ZNRF2: variants seen among roughly 807,000 people sequenced by gnomAD.
The protein encoded by ZNRF2 is E3 ubiquitin-protein ligase ZNRF2.
ZNRF2 carries 16 observed loss-of-function variants against 20.4 expected under a neutral mutation model. The observed-to-expected ratio is 0.79, with a 90% CI of 0.53 to 1.19. The LOEUF (loss-of-function observed/expected upper bound fraction) is 1.19, where lower values mean the gene tolerates loss of function less well. ZNRF2 is among the 50% of genes most tolerant of loss of function. ZNRF2 has a pLI of 0.00. For synonymous variants in ZNRF2, 178 were observed against 144.9 expected, an observed-to-expected ratio of 1.23 and a Z score of -1.64; for missense variants, 363 against 332.4, an observed-to-expected ratio of 1.09 and a Z score of -0.72.
intron 2 of ZNRF2, among the ~76,000 whole-genome samples, chr7:30,330,735 C>G (rs1458760615): frequency 1.3e-5 from 2 of 151,378 alleles, no homozygotes; most frequent in African/African-American, 4.9e-5. Flanking sequence ...ATTCAGGATG[C>G]TTTCTGAAAT....
chr7:30,299,043 C>G (rs1799064003), intron 1 of ZNRF2, among the ~76,000 whole-genome samples: 1 of 152,034 alleles, frequency 6.6e-6, no homozygotes, highest in Non-Finnish European at 1.5e-5. Flanking sequence ...GATGTTTGGA[C>G]TGAGCAGAAA....
intron 1 of ZNRF2, among the ~76,000 whole-genome samples, chr7:30,319,282 G>A (rs1318387339): frequency 2.6e-5 from 4 of 152,138 alleles, no homozygotes; most frequent in Admixed American, 2.6e-4. Flanking sequence ...AGAGTTGTCT[G>A]AAAAGTGTAG....
chr7:30,312,756 G>A (rs1799311047), intron 1 of ZNRF2, among the ~76,000 whole-genome samples: 1 of 152,110 alleles, frequency 6.6e-6, no homozygotes, highest in Non-Finnish European at 1.5e-5. Context: ...TTAAGTGATA[G>A]TTTCATTAAG....
intron 1 of ZNRF2, among the ~76,000 whole-genome samples, chr7:30,298,943 C>G (rs1465743368): frequency 3.3e-5 from 5 of 152,168 alleles, no homozygotes; most frequent in African/African-American, 1.2e-4. Context: ...ATTTTCTTTC[C>G]AGAGTCTAAA....
intron 3 of ZNRF2, among the ~76,000 whole-genome samples, chr7:30,357,263 T>A (rs1168185854): frequency 6.6e-6 from 1 of 152,158 alleles, no homozygotes; most frequent in Admixed American, 6.5e-5. Context: ...TCCTAGAACA[T>A]AAAGCAAATC....
intron 3 of ZNRF2, 28 bp from the exon 4 acceptor site, chr7:30,362,349 C>T (rs755853827): frequency 6.6e-7 from 1 of 1,524,044 alleles, no homozygotes; most frequent in East Asian, 2.3e-5. Context: ...ATAAGTATCT[C>T]AATTTTTCTG....
At chr7:30,340,798 A>G (rs1799782306) in intron 2 of ZNRF2, among the ~76,000 whole-genome samples, 1 of 152,124 alleles carries the variant, frequency 6.6e-6, no homozygotes, top group Non-Finnish European at 1.5e-5. Flanking sequence ...ATTGTTTGGA[A>G]TAGTTTCAGA....
chr7:30,365,448 C>A (rs1388478534), intron 4 of ZNRF2, among the ~76,000 whole-genome samples: 1 of 152,154 alleles, frequency 6.6e-6, no homozygotes, highest in Non-Finnish European at 1.5e-5. Context: ...CTACAGAAAT[C>A]TGAACCAATG....
chr7:30,335,208 C>T (rs1189496021), intron 2 of ZNRF2, among the ~76,000 whole-genome samples: 1 of 151,970 alleles, frequency 6.6e-6, no homozygotes, highest in Non-Finnish European at 1.5e-5. Context: ...TATATTAGCC[C>T]TGCCTTTTGG....
intron 2 of ZNRF2, among the ~76,000 whole-genome samples, chr7:30,353,361 T>C (rs1463028584): frequency 2.6e-5 from 4 of 152,162 alleles, no homozygotes; most frequent in African/African-American, 4.8e-5. Flanking sequence ...TATACAGGTA[T>C]ACTTTTCTTG....
At chr7:30,345,201 A>G (rs1490093929) in intron 2 of ZNRF2, among the ~76,000 whole-genome samples, 1 of 144,658 alleles carries the variant, frequency 6.9e-6, no homozygotes, top group Non-Finnish European at 1.5e-5. Context: ...TTCTCTGTAG[A>G]GAACATTTTT....
chr7:30,341,112 C>G (rs1427919368), intron 2 of ZNRF2, among the ~76,000 whole-genome samples: 2 of 152,028 alleles, frequency 1.3e-5, no homozygotes, highest in African/African-American at 2.4e-5. Flanking sequence ...TTTATTGTGT[C>G]AATTTGATTA....
chr7:30,332,684 A>T (rs1026914877), intron 2 of ZNRF2, among the ~76,000 whole-genome samples: 1 of 152,022 alleles, frequency 6.6e-6, no homozygotes, highest in African/African-American at 2.4e-5. Flanking sequence ...CTGCATCCAT[A>T]TTGCTGCAAA....
chr7:30,353,709 A>G (rs894662245), intron 2 of ZNRF2, among the ~76,000 whole-genome samples: 2 of 152,162 alleles, frequency 1.3e-5, no homozygotes, highest in Admixed American at 1.3e-4. Flanking sequence ...GATGCGTCTA[A>G]AATCGATGTT....
intron 2 of ZNRF2, among the ~76,000 whole-genome samples, chr7:30,350,476 A>G (rs1177079703): frequency 1.3e-5 from 2 of 152,076 alleles, no homozygotes; most frequent in Non-Finnish European, 2.9e-5. Context: ...GCCCAGATTA[A>G]TAAACGTTAT....
At chr7:30,302,470 A>G (rs1214119080) in intron 1 of ZNRF2, among the ~76,000 whole-genome samples, 2 of 152,154 alleles carry the variant, frequency 1.3e-5, no homozygotes, top group Non-Finnish European at 2.9e-5. Flanking sequence ...TCTTTAAGAA[A>G]TGTATAGTCT....
chr7:30,310,657 C>A (rs1799278049), intron 1 of ZNRF2, among the ~76,000 whole-genome samples: 2 of 152,158 alleles, frequency 1.3e-5, no homozygotes, highest in Non-Finnish European at 2.9e-5. Flanking sequence ...GACTCAAGGG[C>A]TGTACAAAAA....
At chr7:30,309,944 A>G (rs1458868485) in intron 1 of ZNRF2, among the ~76,000 whole-genome samples, 1 of 152,234 alleles carries the variant, frequency 6.6e-6, no homozygotes, top group Non-Finnish European at 1.5e-5. Context: ...GTATTTGTTT[A>G]TGTGTATTTT....
At chr7:30,291,911 C>T (rs888311002) in intron 1 of ZNRF2, among the ~76,000 whole-genome samples, 2 of 151,286 alleles carry the variant, frequency 1.3e-5, no homozygotes, top group Non-Finnish European at 2.9e-5. Flanking sequence ...AGAATTCAAC[C>T]AGAGGGAAAG....
Sources: gnomAD v4.1 joint callset for allele counts (sites outside exome capture counted in the v4.1 genomes callset) on GRCh38, gnomAD v4.1.1 for gene constraint, MANE v1.5 for transcripts, NCBI Gene and HGNC (gene_info 2026-07-23, HGNC 2026-07-21) for gene names.